The following BAALC variants were observed in gnomAD, a reference collection of about 807,000 sequenced individuals.
BAALC encodes the protein brain and acute leukemia cytoplasmic protein.
In BAALC, 9 loss-of-function variants were observed where a neutral mutation model predicts 15.5. The observed-to-expected ratio is 0.58, with a 90% CI of 0.35 to 1.02. BAALC has a LOEUF of 1.02. Ranked by LOEUF, BAALC falls within the 50% of genes least tolerant of loss-of-function variation. The pLI is 0.02. For missense variants in BAALC, 201 were observed against 192.4 expected (o/e 1.04, Z -0.27); for synonymous variants, 80 against 74.6 (o/e 1.07, Z -0.37).
chr8:103,197,651 G>A (rs916677270), intron 1 of BAALC, among the ~76,000 whole-genome samples: 9 of 152,176 alleles, frequency 5.9e-5, no homozygotes, highest in Non-Finnish European at 8.8e-5. Flanking sequence ...TTTACAGAAA[G>A]CATGGTACTG....
intron 1 of BAALC, among the ~76,000 whole-genome samples, chr8:103,146,095 A>C (rs1489045252): frequency 1.3e-5 from 2 of 152,218 alleles, no homozygotes; most frequent in South Asian, 4.1e-4. Context: ...GGGAAGAAAA[A>C]CATAAAAGTG....
chr8:103,188,603 G>T (rs1811898190), intron 1 of BAALC, among the ~76,000 whole-genome samples: 1 of 152,218 alleles, frequency 6.6e-6, no homozygotes, highest in Admixed American at 6.5e-5. Context: ...AGGGTGTGTG[G>T]AGCAGAGGGG....
chr8:103,158,147 C>A (rs536186395), intron 1 of BAALC, among the ~76,000 whole-genome samples: 1 of 152,248 alleles, frequency 6.6e-6, no homozygotes, highest in South Asian at 2.1e-4. Context: ...CCTCCCTTTC[C>A]CCTTCAATTT....
At chr8:103,193,850 G>A (rs1812030044) in intron 1 of BAALC, among the ~76,000 whole-genome samples, 1 of 152,182 alleles carries the variant, frequency 6.6e-6, no homozygotes, top group African/African-American at 2.4e-5. Flanking sequence ...CACCATGATA[G>A]CACATTCTTC....
At chr8:103,151,546 C>T (rs1305931173) in intron 1 of BAALC, among the ~76,000 whole-genome samples, 1 of 152,174 alleles carries the variant, frequency 6.6e-6, no homozygotes, top group Non-Finnish European at 1.5e-5. Context: ...AACCTTGGGT[C>T]ACCCTTCCCC....
Position 103,210,598 on chromosome 8 carries a change from C to T in BAALC, c.161-2321C>T, listed in dbSNP as rs115808746. Among the ~76,000 whole-genome samples the T allele has an allele frequency of 2.6e-3, 403 of 152,282 alleles. 1 individual carries two copies. The highest frequency in any genetic ancestry group is 9.2e-3 in the African/African-American group (384 of 41,550). On this transcript the variant is annotated intron_variant, in intron 1 of 2. Coordinates refer to ENST00000309982, the MANE Select transcript of BAALC (RefSeq NM_024812.3). ...AAAGGATTTTGTTTGTTTTTCTTTA[C>T]GTTTGATTAAAAGCAAGCCCAGGCA... is the stretch of plus-strand genomic sequence containing the variant.
intron 1 of BAALC, among the ~76,000 whole-genome samples, chr8:103,174,240 G>C (rs1040880151): frequency 4.1e-5 from 6 of 146,982 alleles, no homozygotes; most frequent in African/African-American, 1.5e-4. Flanking sequence ...TGGTTGTCAG[G>C]GAAACCTCTG....
At chr8:103,199,440 A>T (rs992533754) in intron 1 of BAALC, among the ~76,000 whole-genome samples, 2 of 152,204 alleles carry the variant, frequency 1.3e-5, no homozygotes, top group African/African-American at 4.8e-5. Context: ...TTACAGATAC[A>T]TAAAGGGTTC....
At chr8:103,182,909 C>T (rs1811759170) in intron 1 of BAALC, among the ~76,000 whole-genome samples, 1 of 152,170 alleles carries the variant, frequency 6.6e-6, no homozygotes, top group African/African-American at 2.4e-5. Context: ...GACTTCTTCC[C>T]CATGGGGACA....
chr8:103,164,311 G>A (rs926036637), intron 1 of BAALC, among the ~76,000 whole-genome samples: 4 of 152,144 alleles, frequency 2.6e-5, no homozygotes, highest in African/African-American at 4.8e-5. Context: ...CTGTAAGGAG[G>A]TAGACTATTT....
chr8:103,150,977 T>A (rs1423955217), intron 1 of BAALC, among the ~76,000 whole-genome samples: 1 of 152,070 alleles, frequency 6.6e-6, no homozygotes, highest in Non-Finnish European at 1.5e-5. Context: ...CCCTGCTACT[T>A]TGTTTGGAGA....
intron 2 of BAALC, chr8:103,213,422 T>C (rs72673338): frequency 0.075 from 13,833 of 185,230 alleles, 617 homozygotes; most frequent in Middle Eastern, 0.18. Flanking sequence ...GTCTCAGGGG[T>C]TGGCAGGGTG....
intron 2 of BAALC, among the ~76,000 whole-genome samples, chr8:103,219,944 C>T (rs1176371099): frequency 6.6e-6 from 1 of 152,184 alleles, no homozygotes; most frequent in African/African-American, 2.4e-5. Context: ...GTGCCAGACA[C>T]ACTATGACAT....
At chr8:103,141,106 G>T (rs1395381578) in intron 1 of BAALC, 49 bp downstream of exon 1, 3 of 1,388,234 alleles carry the variant, frequency 2.2e-6, no homozygotes, top group Middle Eastern at 2.6e-4. Context: ...TACCCCGGGC[G>T]CCTTGGCCCG....
chr8:103,146,268 C>T (rs553888912), intron 1 of BAALC, among the ~76,000 whole-genome samples: 4 of 152,258 alleles, frequency 2.6e-5, no homozygotes, highest in African/African-American at 9.6e-5. Context: ...CTGTCCGAGC[C>T]AACCCTCCCA....
At chr8:103,194,324 A>G (rs1812042418) in intron 1 of BAALC, among the ~76,000 whole-genome samples, 2 of 152,234 alleles carry the variant, frequency 1.3e-5, no homozygotes, top group Non-Finnish European at 2.9e-5. Context: ...GCCTTTAAGG[A>G]TTAGGGAAAG....
intron 1 of BAALC, among the ~76,000 whole-genome samples, chr8:103,156,575 T>C (rs975874420): frequency 2.6e-5 from 4 of 152,226 alleles, no homozygotes; most frequent in Admixed American, 6.5e-5. Flanking sequence ...TGAGTTGTTT[T>C]CTCAGCTGAA....
chr8:103,184,400 C>A (rs145582572), intron 1 of BAALC, among the ~76,000 whole-genome samples: 1 of 152,324 alleles, frequency 6.6e-6, no homozygotes, highest in Admixed American at 6.5e-5. Flanking sequence ...ACACAGAGAG[C>A]TTCAGGGGAT....
intron 1 of BAALC, among the ~76,000 whole-genome samples, chr8:103,167,612 A>G (rs543296734): frequency 6.6e-6 from 1 of 152,336 alleles, no homozygotes; most frequent in South Asian, 2.1e-4. Context: ...TGGTATGGGG[A>G]ACATTTCTAG....
Sources: allele counts gnomAD v4.1 joint callset (sites outside exome capture counted in the v4.1 genomes callset), GRCh38; gene constraint gnomAD v4.1.1; transcripts MANE v1.5; gene names NCBI Gene and HGNC (gene_info 2026-07-23, HGNC 2026-07-21).